Variants in AGBL1 observed in about 807,000 individuals in gnomAD.
AGBL1 encodes the protein AGBL carboxypeptidase 1.
A neutral mutation model predicts 118.9 loss-of-function variants in AGBL1; 130 were observed. The observed-to-expected ratio is 1.09, with a 90% CI of 0.95 to 1.26. AGBL1 has a LOEUF of 1.26. Ranked by LOEUF, AGBL1 falls within the 50% of genes most tolerant of loss-of-function variation. The pLI is 0.00. For synonymous variants in AGBL1, 555 were observed against 478.9 expected, an observed-to-expected ratio of 1.16 and a Z score of -2.08; for missense variants, 1,584 against 1,298.1, an observed-to-expected ratio of 1.22 and a Z score of -3.38.
chr15:86,144,135 A>T (rs2077001729), intron 3 of AGBL1, among the ~76,000 whole-genome samples: 1 of 152,176 alleles, frequency 6.6e-6, no homozygotes, highest in African/African-American at 2.4e-5. Flanking sequence ...TGCAGTTTTT[A>T]ATTATTTTAA....
chr15:86,511,865 T>A (rs1397573188), intron 18 of AGBL1, among the ~76,000 whole-genome samples: 1 of 152,014 alleles, frequency 6.6e-6, no homozygotes, highest in Non-Finnish European at 1.5e-5. Flanking sequence ...CAATATTAAA[T>A]GAAATATATA....
intron 6 of AGBL1, among the ~76,000 whole-genome samples, chr15:86,232,703 A>G (rs1341877450): frequency 2.6e-5 from 4 of 152,136 alleles, no homozygotes; most frequent in Non-Finnish European, 5.9e-5. Flanking sequence ...GGTGAATCCT[A>G]GAACATCTTG....
chr15:86,358,865 A>G (rs577416601), intron 17 of AGBL1, among the ~76,000 whole-genome samples: 1 of 151,866 alleles, frequency 6.6e-6, no homozygotes, highest in African/African-American at 2.4e-5. Context: ...TTTTAAATTA[A>G]GTTGTGTTTT....
chr15:86,090,638 C>T (rs998863222), intron 1 of AGBL1, among the ~76,000 whole-genome samples: 6 of 152,080 alleles, frequency 3.9e-5, no homozygotes, highest in Non-Finnish European at 8.8e-5. Flanking sequence ...AGTACGTTTT[C>T]TTCTAGCATT....
At chr15:86,683,086 T>C (rs950266453) in intron 22 of AGBL1, among the ~76,000 whole-genome samples, 5 of 152,268 alleles carry the variant, frequency 3.3e-5, no homozygotes, top group South Asian at 2.1e-4. Flanking sequence ...AGCAGAGTAA[T>C]TAATGGTGTA....
intron 17 of AGBL1, among the ~76,000 whole-genome samples, chr15:86,387,193 GA>G (rs1020751116): frequency 1.1e-4 from 17 of 152,258 alleles, no homozygotes; most frequent in African/African-American, 3.9e-4. Context: ...GGGGCATCAA[GA>G]AAAGCTTCAG....
intron 5 of AGBL1, among the ~76,000 whole-genome samples, chr15:86,183,602 GT>G (rs1702393034): frequency 6.6e-6 from 1 of 152,162 alleles, no homozygotes; most frequent in South Asian, 2.1e-4. Flanking sequence ...GCAGTGGACA[GT>G]TTTACTGGAG....
chr15:86,984,465 G>C (rs573554184), intron 23 of AGBL1, among the ~76,000 whole-genome samples: 1 of 150,998 alleles, frequency 6.6e-6, no homozygotes, highest in Non-Finnish European at 1.5e-5. Flanking sequence ...CGCTGGGTTC[G>C]AGCAATTCTC....
chr15:86,657,742 A>T (rs2085483350), intron 21 of AGBL1, among the ~76,000 whole-genome samples: 1 of 152,052 alleles, frequency 6.6e-6, no homozygotes, highest in African/African-American at 2.4e-5. Context: ...CTCACATCAT[A>T]AGGAAGGACA....
chr15:86,285,784 G>A (rs2062534139), intron 16 of AGBL1, among the ~76,000 whole-genome samples: 3 of 152,166 alleles, frequency 2.0e-5, no homozygotes. Context: ...GATAACCCAT[G>A]AGAGAAGAAA....
chr15:86,863,749 G>A (rs910727894), intron 22 of AGBL1, among the ~76,000 whole-genome samples: 3 of 152,150 alleles, frequency 2.0e-5, no homozygotes, highest in Non-Finnish European at 4.4e-5. Context: ...AATAATAGCA[G>A]AAATGTGATC....
In AGBL1 at chr15:86,378,774, G is replaced by T. The variant is rs2081072527; in HGVS notation, c.2375-18592G>T. On this transcript the variant is annotated intron_variant, in intron 17 of 22. Coordinates refer to ENST00000614907, the MANE Select transcript of AGBL1 (RefSeq NM_001386094.1). Reference sequence around the variant, plus strand: ...GCAAAGTCAAGCCACAAATTCAGTGGCAGGGCGAGGGTTCAGGGCAACCAA... The same window carrying T: ...GCAAAGTCAAGCCACAAATTCAGTGTCAGGGCGAGGGTTCAGGGCAACCAA... Among the ~76,000 whole-genome samples, 3 of 152,284 alleles carry T rather than the reference G, an allele frequency of 2.0e-5. No homozygotes were observed. The South Asian group carries it at 6.2e-4, about 32-fold the overall frequency.
chr15:86,134,603 CCTTTTTTTTT>C (rs2076862177), intron 1 of AGBL1, among the ~76,000 whole-genome samples: 1 of 114,314 alleles, frequency 8.7e-6, no homozygotes, highest in Non-Finnish European at 1.8e-5. Context: ...ATCAATGGTG[CCTTTTTTTTT>C]TTTTTTTTTT....
intron 7 of AGBL1, among the ~76,000 whole-genome samples, chr15:86,255,547 T>C (rs903975): frequency 0.41 from 62,145 of 152,022 alleles, 13,328 homozygotes; most frequent in Middle Eastern, 0.52. Flanking sequence ...TTTGGGAGAC[T>C]GAGGTGGGTA....
chr15:86,817,855 G>A (rs1397372052), intron 22 of AGBL1, among the ~76,000 whole-genome samples: 1 of 152,166 alleles, frequency 6.6e-6, no homozygotes, highest in Non-Finnish European at 1.5e-5. Context: ...AATAAAAGTA[G>A]GCCCTTGATC....
chr15:86,156,794 C>CTT (rs773611214), intron 4 of AGBL1, among the ~76,000 whole-genome samples: 2,142 of 105,528 alleles, frequency 0.02, 45 homozygotes, highest in African/African-American at 0.036. Context: ...TCTTTTCTTT[C>CTT]TTTTTTTTTT....
intron 21 of AGBL1, among the ~76,000 whole-genome samples, chr15:86,579,986 A>G (rs779011751): frequency 1.3e-4 from 20 of 152,234 alleles, no homozygotes; most frequent in Non-Finnish European, 2.6e-4. Context: ...TCAGAAAGTG[A>G]AGCATAGGCA....
In AGBL1 at chr15:86,460,318, CAAAAAAAAAA is replaced by C. The variant is rs1168019827; in HGVS notation, c.2556-62472_2556-62463del. Among the ~76,000 whole-genome samples the C allele has an allele frequency of 9.0e-4, 33 of 36,606 alleles. No individual in the cohort carries two copies. In the South Asian group the frequency reaches 0.014, roughly 16 times the overall value. The allele number at this position is 36,606 out of a possible 152,430, so 24.0% of individuals were successfully genotyped here. A position where few individuals can be genotyped will look rare whatever the true frequency, so the allele number is the denominator to read the frequency against. On this transcript the variant is annotated intron_variant, in intron 18 of 22. Transcript: ENST00000614907. The stretch of plus-strand genomic sequence containing the variant: ...GCAACATAGAAAGACCCTATCTCTA[CAAAAAAAAAA>C]AAAAAAAAAAAAAAAAAAATAGCCA...
At chr15:86,419,843 G>A (rs1008137981) in intron 18 of AGBL1, among the ~76,000 whole-genome samples, 4 of 152,150 alleles carry the variant, frequency 2.6e-5, no homozygotes, top group African/African-American at 9.7e-5. Flanking sequence ...AAACAAAGCC[G>A]CCCAGAAGTT....
Sources: allele counts gnomAD v4.1 joint callset (sites outside exome capture counted in the v4.1 genomes callset), GRCh38; gene constraint gnomAD v4.1.1; transcripts MANE v1.5; gene names NCBI Gene and HGNC (gene_info 2026-07-23, HGNC 2026-07-21).